LIMD1: variants seen among roughly 807,000 people sequenced by gnomAD.
LIMD1 encodes the protein LIM domain-containing protein 1.
In LIMD1, 23 loss-of-function variants were observed where a neutral mutation model predicts 58.4. The observed-to-expected ratio is 0.39, with a 90% CI of 0.28 to 0.56. The LOEUF is 0.56. Among genes scored for constraint, LIMD1 ranks in the 20% least tolerant of loss-of-function variants. The pLI is 0.57. For missense variants in LIMD1, 838 were observed against 855.5 expected, an observed-to-expected ratio of 0.98 and a Z score of 0.25; for synonymous variants, 334 against 345.5, an observed-to-expected ratio of 0.97 and a Z score of 0.37.
chr3:45,598,906 A>C (rs1328760777), intron 1 of LIMD1, among the ~76,000 whole-genome samples: 1 of 152,172 alleles, frequency 6.6e-6, no homozygotes, highest in South Asian at 2.1e-4. Flanking sequence ...TGACTATTGA[A>C]TTGACTGGTC....
intron 1 of LIMD1, among the ~76,000 whole-genome samples, chr3:45,610,132 C>T (rs772421344): frequency 6.6e-6 from 1 of 152,132 alleles, no homozygotes; most frequent in Non-Finnish European, 1.5e-5. Flanking sequence ...GCGAGTGAGC[C>T]GAGATTGTGC....
At chr3:45,616,587 TC>T (rs35593905) in intron 1 of LIMD1, among the ~76,000 whole-genome samples, 152,034 of 152,034 alleles carry the variant, frequency 1, 76,017 homozygotes, top group Non-Finnish European at 1. Context: ...TGCACCCGGG[TC>T]CCCCTCCTGG....
intron 4 of LIMD1, among the ~76,000 whole-genome samples, chr3:45,670,336 C>T (rs1697573856): frequency 6.6e-6 from 1 of 152,220 alleles, no homozygotes; most frequent in Non-Finnish European, 1.5e-5. Context: ...TCTATTGCTG[C>T]ATGACAAACC....
intron 2 of LIMD1, among the ~76,000 whole-genome samples, chr3:45,640,009 C>T (rs1452638692): frequency 2.4e-4 from 36 of 152,242 alleles, no homozygotes; most frequent in Non-Finnish European, 5.0e-4. Context: ...CATAGACATT[C>T]AGCCCATTGC....
chr3:45,646,396 A>C (rs1180843689), intron 2 of LIMD1, among the ~76,000 whole-genome samples: 1 of 152,128 alleles, frequency 6.6e-6, no homozygotes, highest in African/African-American at 2.4e-5. Flanking sequence ...ATTGTGATGA[A>C]GTTAGCTGGG....
At chr3:45,671,021 A>G (rs1417732327) in intron 4 of LIMD1, among the ~76,000 whole-genome samples, 1 of 152,230 alleles carries the variant, frequency 6.6e-6, no homozygotes, top group African/African-American at 2.4e-5. Flanking sequence ...TTTAGGCACA[A>G]TGTGGATTAA....
chr3:45,641,523 AT>A (rs1701842329), intron 2 of LIMD1, among the ~76,000 whole-genome samples: 1 of 148,834 alleles, frequency 6.7e-6, no homozygotes, highest in Admixed American at 6.7e-5. Flanking sequence ...TTTTATTTAT[AT>A]TTTTTATATA....
rs960284616 is a variant in LIMD1, at chr3:45,679,968, C to T, written c.*2909C>T. 6.6e-6 allele frequency: 1 copy of T among 152,198 alleles called. No homozygotes were observed. The highest frequency in any genetic ancestry group is 2.4e-5 in the African/African-American group (1 of 41,450). 9.4% of individuals were successfully genotyped at this position (152,198 alleles called of 1,614,324 possible). The stretch of plus-strand genomic sequence containing the variant: ...GTGCTCGAGTGAAAACCTCTTTCAG[C>T]TGAGTCCTCTGAGGTTCTGCTGTTG... On this transcript the variant is annotated 3_prime_UTR_variant, in exon 8 of 8. Coordinates refer to ENST00000273317, the MANE Select transcript of LIMD1 (RefSeq NM_014240.3).
Position 45,649,654 on chromosome 3 carries a change from CTGGGCAACAGAG to C in LIMD1, c.1510+13406_1510+13417del, listed in dbSNP as rs1701943654. ...CGAGATTGCACCACTGCACTCCAGC[CTGGGCAACAGAG>C]TGAGACTCTGTCTCAAAAAAAAAAA... is the stretch of plus-strand genomic sequence containing the variant. On this transcript the variant is annotated intron_variant, in intron 2 of 7. Transcript: ENST00000273317. Among the ~76,000 whole-genome samples, 4 of 145,214 alleles carry C rather than the reference CTGGGCAACAGAG, an allele frequency of 2.8e-5. No individual in the cohort carries two copies. In the East Asian group the frequency reaches 8.1e-4, roughly 29 times the overall value.
chr3:45,595,547 G>T lies in LIMD1; in HGVS notation c.668G>T (p.Gly223Val). ...GACCCACCACTGCCCAAACCCTGCG[G>T]GGACCATCCCCTAAATCACCGACAG... ...GSDPPLPKPC[G>V]DHPLNHRQLS... is the part of the protein sequence containing the mutation. Residue 223 changes from glycine to valine, a missense_variant, in exon 1 of 8, where the codon GGG becomes GTG. Gly to Val is a moderately radical substitution (Grantham distance 109). This residue lies in a region of LIMD1 where 659 missense variants were observed against 639.8 expected (regional missense o/e 1.03). Transcript: ENST00000273317. 1 of 1,614,134 alleles carries T rather than the reference G, an allele frequency of 6.2e-7. No homozygotes were observed. Among genetic ancestry groups the T allele is most frequent in the Non-Finnish European group, 8.5e-7 (1 of 1,180,024 alleles).
chr3:45,617,551 C>G (rs1701587474), intron 1 of LIMD1, among the ~76,000 whole-genome samples: 1 of 152,208 alleles, frequency 6.6e-6, no homozygotes, highest in Non-Finnish European at 1.5e-5. Flanking sequence ...TCTACCTGCT[C>G]CATTTCTCCT....
chr3:45,597,140 G>A (rs936345345), intron 1 of LIMD1, among the ~76,000 whole-genome samples: 2 of 152,050 alleles, frequency 1.3e-5, no homozygotes, highest in African/African-American at 2.4e-5. Context: ...GATTACAGGC[G>A]TGAGCCACCG....
At chr3:45,630,652 G>A (rs1203247413) in intron 1 of LIMD1, among the ~76,000 whole-genome samples, 1 of 152,006 alleles carries the variant, frequency 6.6e-6, no homozygotes, top group Non-Finnish European at 1.5e-5. Flanking sequence ...GGCTGGTCTG[G>A]GGTCTGAATC....
At chr3:45,626,607 A>G (rs1701669874) in intron 1 of LIMD1, among the ~76,000 whole-genome samples, 1 of 152,226 alleles carries the variant, frequency 6.6e-6, no homozygotes. Flanking sequence ...AGTGGAGCAT[A>G]GGGGATTTTT....
chr3:45,605,794 C>T (rs1012535700), intron 1 of LIMD1, among the ~76,000 whole-genome samples: 4 of 152,330 alleles, frequency 2.6e-5, no homozygotes, highest in African/African-American at 4.8e-5. Context: ...TGGTTTGTGG[C>T]GTTCACTGTC....
At chr3:45,629,200 T>G (rs1701701867) in intron 1 of LIMD1, among the ~76,000 whole-genome samples, 1 of 151,256 alleles carries the variant, frequency 6.6e-6, no homozygotes, top group Admixed American at 6.6e-5. Flanking sequence ...GATCATGAGG[T>G]CAGGAGTTCA....
intron 4 of LIMD1, among the ~76,000 whole-genome samples, chr3:45,669,957 C>A (rs1461846653): frequency 1.3e-5 from 2 of 152,206 alleles, no homozygotes; most frequent in African/African-American, 2.4e-5. Context: ...CAGTGACCCA[C>A]AGCCCTCCCC....
At chr3:45,623,257 C>T (rs577431135) in intron 1 of LIMD1, among the ~76,000 whole-genome samples, 2 of 152,210 alleles carry the variant, frequency 1.3e-5, no homozygotes, top group African/African-American at 2.4e-5. Context: ...TTAAGACCCT[C>T]GTGAGGAAAA....
chr3:45,672,397 A>C (rs1697596527), intron 4 of LIMD1, among the ~76,000 whole-genome samples: 1 of 152,102 alleles, frequency 6.6e-6, no homozygotes, highest in African/African-American at 2.4e-5. Context: ...GAACTATGCA[A>C]GAGTTTCCTG....
Sources: gnomAD v4.1 joint callset for allele counts (sites outside exome capture counted in the v4.1 genomes callset) on GRCh38, gnomAD v4.1.1 for gene constraint, gnomAD v4.1.1 regional missense constraint, MANE v1.5 for transcripts, NCBI Gene and HGNC (gene_info 2026-07-23, HGNC 2026-07-21) for gene names.